Variants in AKAP9 observed in about 807,000 individuals in gnomAD.
The protein encoded by AKAP9 is A-kinase anchoring protein 9, also known as A-kinase anchor protein 9.
AKAP9 carries 311 observed loss-of-function variants against 488.5 expected under a neutral mutation model. The observed-to-expected ratio is 0.64, with a 90% CI of 0.58 to 0.70. AKAP9 has a LOEUF of 0.70. Ranked by LOEUF, AKAP9 falls within the 30% of genes least tolerant of loss-of-function variation. AKAP9 has a pLI of 0.00. For missense variants in AKAP9, 4,215 were observed against 4,374.5 expected, an observed-to-expected ratio of 0.96 and a Z score of 1.03; for synonymous variants, 1,462 against 1,483.5, an observed-to-expected ratio of 0.99 and a Z score of 0.33.
intron 28 of AKAP9, among the ~76,000 whole-genome samples, chr7:92,071,223 G>A (rs555114010): frequency 3.9e-5 from 6 of 152,318 alleles, no homozygotes; most frequent in Admixed American, 3.9e-4. Flanking sequence ...AGAAGAGCCA[G>A]TGTAAAGGCC....
rs747269042 is a variant in AKAP9 at position 92,079,489 on chromosome 7, C to T, written c.7356C>T (p.Asn2452=). Reference sequence around the variant, plus strand: ...AAAGCATACCAGAGAATAGTGTTAACGTGGCTATAGATCATCTGAGCAAAG... The same window carrying T: ...AAAGCATACCAGAGAATAGTGTTAATGTGGCTATAGATCATCTGAGCAAAG... ...KIQSIPENSV[N]VAIDHLSKDK... Residue 2452 remains asparagine, a synonymous_variant, in exon 31 of 50, where the codon AAC becomes AAT. Transcript: ENST00000356239. The T allele has an allele frequency of 2.2e-5, 35 of 1,613,838 alleles. No homozygotes were observed. Among genetic ancestry groups the T allele is most frequent in the South Asian group, 4.4e-5 (4 of 91,088 alleles).
In AKAP9 at chr7:92,085,495, G is replaced by A; in HGVS notation, c.8833G>A (p.Gly2945Arg). The change falls in exon 36 of 50, where the codon GGA (glycine) becomes AGA (arginine). Residue 2945 changes from glycine to arginine, a missense_variant and splice_region_variant. By Grantham distance (125) the Gly-to-Arg change is moderately radical (BLOSUM62 -2). Coordinates refer to ENST00000356239, the MANE Select transcript of AKAP9 (RefSeq NM_005751.5). ...CTGGCTCTTGGGTTTTGGTTTCCAG[G>A]GATTACTGAGAGCTGTCCATAATGA... Reference protein sequence around the residue: ...ATDSFPKKIKGLLRAVHNEGM... With the variant: ...ATDSFPKKIKRLLRAVHNEGM... 1.9e-6 allele frequency: 3 copies of A among 1,613,942 alleles called. No individual in the cohort carries two copies. Among genetic ancestry groups the A allele is most frequent in the Non-Finnish European group, 2.5e-6 (3 of 1,179,926 alleles).
At chr7:91,989,201 A>G (rs934104398) in intron 3 of AKAP9, among the ~76,000 whole-genome samples, 1 of 152,154 alleles carries the variant, frequency 6.6e-6, no homozygotes, top group African/African-American at 2.4e-5. Flanking sequence ...CTTAATTTGT[A>G]AATTGTATTT....
At chr7:92,071,367 T>C (rs775933970) in intron 28 of AKAP9, among the ~76,000 whole-genome samples, 7 of 150,722 alleles carry the variant, frequency 4.6e-5, no homozygotes, top group Non-Finnish European at 8.8e-5. Flanking sequence ...ACATATTGAA[T>C]TATTGCTGCT....
intron 47 of AKAP9, 134 bp downstream of exon 47, chr7:92,105,897 A>G: frequency 1.3e-6 from 1 of 790,810 alleles, no homozygotes; most frequent in Non-Finnish European, 2.2e-6. Flanking sequence ...AGCAGCGGGC[A>G]TTACTGCCCG....
intron 21 of AKAP9, among the ~76,000 whole-genome samples, chr7:92,048,679 G>C (rs1350443078): frequency 1.3e-5 from 2 of 152,176 alleles, no homozygotes; most frequent in Non-Finnish European, 2.9e-5. Flanking sequence ...GGCCAAGGCG[G>C]GCAGATCACC....
intron 35 of AKAP9, among the ~76,000 whole-genome samples, 168 bp downstream of exon 35, chr7:92,085,108 AAG>A (rs1814288824): frequency 6.6e-6 from 1 of 152,216 alleles, no homozygotes; most frequent in Non-Finnish European, 1.5e-5. Context: ...ATAATAAAGT[AAG>A]AGATTAATGA....
chr7:92,015,343 A>G (rs1485948593), intron 10 of AKAP9, among the ~76,000 whole-genome samples: 1 of 151,650 alleles, frequency 6.6e-6, no homozygotes, highest in Non-Finnish European at 1.5e-5. Flanking sequence ...TAAACTACAT[A>G]AAACTATTCT....
intron 31 of AKAP9, 35 bp from the exon 32 acceptor site, chr7:92,082,487 A>G: frequency 1.2e-6 from 2 of 1,606,892 alleles, no homozygotes; most frequent in Non-Finnish European, 1.7e-6. Context: ...ATTTTTTTTA[A>G]ATTATGTGTT....
chr7:92,070,001 A>C (rs779366496), intron 26 of AKAP9, 29 bp from the exon 27 acceptor site: 2 of 1,601,244 alleles, frequency 1.2e-6, no homozygotes, highest in Non-Finnish European at 1.7e-6. Context: ...ATTTTTTTTA[A>C]ATTAAATTTT....
intron 12 of AKAP9, among the ~76,000 whole-genome samples, chr7:92,019,330 A>G (rs949962210): frequency 6.6e-6 from 1 of 151,738 alleles, no homozygotes; most frequent in Non-Finnish European, 1.5e-5. Flanking sequence ...TTAATAGAGA[A>G]GGGCTTTCAC....
chr7:91,945,111 C>T (rs554456465), intron 1 of AKAP9, among the ~76,000 whole-genome samples: 99 of 152,086 alleles, frequency 6.5e-4, no homozygotes, highest in Non-Finnish European at 9.6e-4. Context: ...TCCTGTAATC[C>T]CAACACTGGG....
chr7:92,088,267 T>C (rs1334859734), intron 37 of AKAP9, among the ~76,000 whole-genome samples: 1 of 152,146 alleles, frequency 6.6e-6, no homozygotes, highest in Non-Finnish European at 1.5e-5. Context: ...AGTGTTTTTG[T>C]CAAATGAATA....
chr7:91,941,713 A>G (rs1483326882), intron 1 of AKAP9, among the ~76,000 whole-genome samples: 1 of 152,006 alleles, frequency 6.6e-6, no homozygotes, highest in Non-Finnish European at 1.5e-5. Flanking sequence ...GTGTCTTTGT[A>G]TGTTTGTACT....
At chr7:91,967,834 C>G (rs983229318) in intron 1 of AKAP9, among the ~76,000 whole-genome samples, 7 of 152,132 alleles carry the variant, frequency 4.6e-5, no homozygotes, top group African/African-American at 1.7e-4. Flanking sequence ...TGGAAGTACT[C>G]CCTTCTCTTA....
intron 22 of AKAP9, among the ~76,000 whole-genome samples, chr7:92,058,949 A>G: frequency 6.6e-6 from 1 of 151,922 alleles, no homozygotes; most frequent in East Asian, 1.9e-4. Flanking sequence ...TTTTTATATG[A>G]AATATATTTT....
In AKAP9 at chr7:92,062,541, C is replaced by T. The variant is rs577170410; in HGVS notation, c.5977+55C>T. 3 of 1,512,510 alleles carry T rather than the reference C, an allele frequency of 2.0e-6. No homozygotes were observed. The East Asian group carries it at 6.8e-5, about 34-fold the overall frequency. 93.7% of individuals were successfully genotyped at this position (1,512,510 alleles called of 1,614,324 possible). A position where few individuals can be genotyped will look rare whatever the true frequency, so the allele number is the denominator to read the frequency against. ...GTCCTCTGATTTTATTTGTATTCTT[C>T]AAAGGCTTAAGGTGGCTTTTTTCCT... On this transcript the variant is annotated intron_variant, in intron 24 of 49. Coordinates refer to ENST00000356239, the MANE Select transcript of AKAP9 (RefSeq NM_005751.5).
At chr7:92,098,076 G>C (rs1274957035) in intron 42 of AKAP9, 33 bp from the exon 43 acceptor site, 1 of 1,402,840 alleles carries the variant, frequency 7.1e-7, no homozygotes, top group South Asian at 1.2e-5. Context: ...CAATTGAGAA[G>C]GTATGTTTTG....
At chr7:91,983,683 T>C in intron 3 of AKAP9, among the ~76,000 whole-genome samples, 1 of 152,218 alleles carries the variant, frequency 6.6e-6, no homozygotes, top group East Asian at 1.9e-4. Context: ...CAAGTATTTT[T>C]GTATTTTTGT....
Sources: allele counts gnomAD v4.1 joint callset (sites outside exome capture counted in the v4.1 genomes callset), GRCh38; gene constraint gnomAD v4.1.1; transcripts MANE v1.5; gene names NCBI Gene and HGNC (gene_info 2026-07-23, HGNC 2026-07-21).